PCDH9: variants seen among roughly 807,000 people sequenced by gnomAD.
PCDH9 encodes protocadherin-9.
In PCDH9, 24 loss-of-function variants were observed where a neutral mutation model predicts 70.6. The ratio of observed to expected loss-of-function variants is 0.34; its 90% confidence interval spans 0.25 to 0.48. The LOEUF (loss-of-function observed/expected upper bound fraction) is 0.48. Ranked by LOEUF, PCDH9 falls within the 20% of genes least tolerant of loss-of-function variation. PCDH9 has a pLI of 0.99. For synonymous variants in PCDH9, 562 were observed against 558.5 expected, an observed-to-expected ratio of 1.01 and a Z score of -0.09; for missense variants, 1,281 against 1,503.6, an observed-to-expected ratio of 0.85 and a Z score of 2.45.
intron 2 of PCDH9, among the ~76,000 whole-genome samples, chr13:66,916,944 A>C (rs1170589117): frequency 6.6e-6 from 1 of 151,554 alleles, no homozygotes; most frequent in Non-Finnish European, 1.5e-5. Flanking sequence ...CAAACTTTTA[A>C]ACAAGCAATA....
intron 2 of PCDH9, among the ~76,000 whole-genome samples, chr13:67,180,166 T>C (rs1205977538): frequency 6.6e-6 from 1 of 152,172 alleles, no homozygotes. Flanking sequence ...GCTTTTCAAC[T>C]ATCTGTAATA....
At chr13:66,818,001 A>C (rs1288663888) in intron 3 of PCDH9, among the ~76,000 whole-genome samples, 2 of 152,206 alleles carry the variant, frequency 1.3e-5, no homozygotes, top group African/African-American at 4.8e-5. Flanking sequence ...CTATCACACT[A>C]GGGGCCAAAA....
intron 2 of PCDH9, among the ~76,000 whole-genome samples, chr13:67,030,148 T>G (rs7996223): frequency 0.37 from 56,767 of 151,936 alleles, 10,986 homozygotes; most frequent in Middle Eastern, 0.47. Context: ...TGGCACTACA[T>G]CAGTTCACTG....
chr13:66,854,892 T>C (rs2081369528), intron 3 of PCDH9, among the ~76,000 whole-genome samples: 1 of 152,122 alleles, frequency 6.6e-6, no homozygotes, highest in Non-Finnish European at 1.5e-5. Flanking sequence ...GATTGATATA[T>C]GGAAATGTAA....
intron 4 of PCDH9, among the ~76,000 whole-genome samples, chr13:66,555,276 T>G (rs559698923): frequency 7.9e-5 from 12 of 152,296 alleles, no homozygotes; most frequent in African/African-American, 2.9e-4. Context: ...CCAATAGTAC[T>G]TTCTTTCAAG....
intron 3 of PCDH9, among the ~76,000 whole-genome samples, chr13:66,807,262 C>T (rs1280194086): frequency 6.6e-6 from 1 of 152,142 alleles, no homozygotes; most frequent in Non-Finnish European, 1.5e-5. Context: ...CTAAAACATA[C>T]ATCATTCCAG....
intron 3 of PCDH9, among the ~76,000 whole-genome samples, chr13:66,714,456 T>C (rs2078842643): frequency 6.8e-6 from 1 of 147,876 alleles, no homozygotes. Context: ...AGAGCAAGAC[T>C]CCGTCTCAAA....
At chr13:66,998,960 C>A (rs2084180180) in intron 2 of PCDH9, among the ~76,000 whole-genome samples, 1 of 152,214 alleles carries the variant, frequency 6.6e-6, no homozygotes, top group African/African-American at 2.4e-5. Flanking sequence ...TTGTTATCAA[C>A]TGCAAATATA....
chr13:66,315,750 G>T (rs1286625208), intron 4 of PCDH9, among the ~76,000 whole-genome samples: 2 of 152,112 alleles, frequency 1.3e-5, no homozygotes, highest in East Asian at 3.9e-4. Context: ...CAAAGTACTG[G>T]GATTACAGGC....
chr13:66,652,425 G>T (rs57957425), intron 3 of PCDH9, among the ~76,000 whole-genome samples: 4,440 of 151,864 alleles, frequency 0.029, 219 homozygotes, highest in African/African-American at 0.1. Context: ...CTTAACCAAA[G>T]AATGGAAAGA....
chr13:66,559,373 T>C (rs1961893200), intron 4 of PCDH9, among the ~76,000 whole-genome samples: 1 of 152,212 alleles, frequency 6.6e-6, no homozygotes, highest in African/African-American at 2.4e-5. Flanking sequence ...GTTGGCTTTA[T>C]AGCCAGTATT....
chr13:67,012,749 T>A (rs1372041000), intron 2 of PCDH9, among the ~76,000 whole-genome samples: 1 of 151,984 alleles, frequency 6.6e-6, no homozygotes, highest in South Asian at 2.1e-4. Context: ...TAGTTAACGC[T>A]AAAACACTCA....
intron 3 of PCDH9, among the ~76,000 whole-genome samples, chr13:66,814,914 C>G (rs1333336943): frequency 6.6e-6 from 1 of 151,940 alleles, no homozygotes; most frequent in Non-Finnish European, 1.5e-5. Context: ...CAAATGAAAC[C>G]AAATTAAAAT....
intron 3 of PCDH9, among the ~76,000 whole-genome samples, chr13:66,767,720 C>G (rs1324890724): frequency 6.6e-6 from 1 of 152,038 alleles, no homozygotes; most frequent in Admixed American, 6.6e-5. Flanking sequence ...GCTCAATATG[C>G]CTTTTTTCCT....
chr13:66,517,479 T>G (rs879367642), intron 4 of PCDH9, among the ~76,000 whole-genome samples: 2 of 152,118 alleles, frequency 1.3e-5, no homozygotes, highest in African/African-American at 2.4e-5. Context: ...TCTTAGACAT[T>G]TCTGTAATTT....
chr13:67,039,323 T>C (rs901800120), intron 2 of PCDH9, among the ~76,000 whole-genome samples: 1 of 152,156 alleles, frequency 6.6e-6, no homozygotes, highest in Non-Finnish European at 1.5e-5. Context: ...GAGCAAGGAC[T>C]GTATTAAGAG....
At chr13:66,343,144 T>C (rs1956159543) in intron 4 of PCDH9, among the ~76,000 whole-genome samples, 1 of 152,186 alleles carries the variant, frequency 6.6e-6, no homozygotes, top group South Asian at 2.1e-4. Context: ...ACAATGCAGA[T>C]GTTCTCAGGA....
At chr13:66,573,512 A>G (rs1458264450) in intron 4 of PCDH9, among the ~76,000 whole-genome samples, 2 of 152,112 alleles carry the variant, frequency 1.3e-5, no homozygotes, top group African/African-American at 4.8e-5. Flanking sequence ...CCTCCTAAAT[A>G]GATTTCCTTG....
intron 3 of PCDH9, among the ~76,000 whole-genome samples, chr13:66,787,386 C>T (rs959135452): frequency 6.6e-6 from 1 of 152,030 alleles, no homozygotes; most frequent in African/African-American, 2.4e-5. Flanking sequence ...GAGGCTGAGG[C>T]AGGTGGATCA....
Sources: allele counts gnomAD v4.1 joint callset (sites outside exome capture counted in the v4.1 genomes callset), GRCh38; gene constraint gnomAD v4.1.1; transcripts MANE v1.5; gene names NCBI Gene and HGNC (gene_info 2026-07-23, HGNC 2026-07-21).